Variants in SIL1 observed in about 807,000 individuals in gnomAD.
The protein encoded by SIL1 is nucleotide exchange factor SIL1.
In SIL1, 40 loss-of-function variants were observed where a neutral mutation model predicts 49.1. The observed-to-expected ratio is 0.81, with a 90% CI of 0.63 to 1.06. The LOEUF is 1.06. Among genes scored for constraint, SIL1 ranks in the 50% least tolerant of loss-of-function variants. The pLI is 0.00. For synonymous variants in SIL1, 253 were observed against 250.8 expected (o/e 1.01, Z -0.08); for missense variants, 500 against 572.6 (o/e 0.87, Z 1.29).
At chr5:139,145,977 A>AGT (rs891841717) in intron 1 of SIL1, among the ~76,000 whole-genome samples, 21 of 148,048 alleles carry the variant, frequency 1.4e-4, no homozygotes, top group Non-Finnish European at 6.0e-5. Context: ...TAAGTATGTG[A>AGT]GTGTGTGTGT....
chr5:139,042,816 T>C (rs994569279), intron 4 of SIL1, 97 bp from the exon 5 acceptor site: 3 of 1,032,840 alleles, frequency 2.9e-6, no homozygotes, highest in African/African-American at 3.2e-5. Flanking sequence ...GATGGAAGGA[T>C]ACCAAGATCC....
chr5:138,951,209 G>A lies in SIL1; in HGVS notation c.991C>T (p.Arg331Cys), dbSNP rs765721225. The change falls in exon 9 of 10, where the codon CGC becomes TGC. Residue 331 changes from arginine to cysteine, a missense_variant. Coordinates refer to ENST00000394817, the MANE Select transcript of SIL1 (RefSeq NM_022464.5). ...AGGTCGTAGAGCAGTGTGACCACGC[G>A]CACGGCGAGCACCTCCGTGCCCTTC... ...QEKGTEVLAVRVVTLLYDLVT... is the reference protein window; with the variant it reads ...QEKGTEVLAVCVVTLLYDLVT... The A allele has an allele frequency of 2.0e-5, 32 of 1,609,598 alleles. No homozygotes were observed. The highest frequency in any genetic ancestry group is 8.9e-5 in the East Asian group (4 of 44,746).
chr5:139,121,604 A>G (rs1017420077), intron 2 of SIL1, among the ~76,000 whole-genome samples: 1 of 152,248 alleles, frequency 6.6e-6, no homozygotes, highest in African/African-American at 2.4e-5. Context: ...AAACACATAC[A>G]TGAATGGGAG....
chr5:139,082,898 G>A (rs918068227), intron 3 of SIL1, among the ~76,000 whole-genome samples: 5 of 152,214 alleles, frequency 3.3e-5, no homozygotes, highest in Admixed American at 6.5e-5. Context: ...TATAGCTCCA[G>A]CCATGGAAAG....
At chr5:139,170,772 G>A (rs1488838835) in intron 1 of SIL1, among the ~76,000 whole-genome samples, 13 of 151,934 alleles carry the variant, frequency 8.6e-5, no homozygotes, top group African/African-American at 2.9e-4. Context: ...GTCCGGAAGG[G>A]AGGTGGGGGT....
intron 5 of SIL1, among the ~76,000 whole-genome samples, chr5:139,038,215 G>C (rs138495970): frequency 2.8e-4 from 42 of 152,296 alleles, no homozygotes; most frequent in African/African-American, 8.7e-4. Context: ...AGCATCTGTT[G>C]ATTGTCTAAT....
intron 1 of SIL1, among the ~76,000 whole-genome samples, chr5:139,180,179 G>T (rs1047672838): frequency 2.0e-5 from 3 of 151,056 alleles, no homozygotes; most frequent in African/African-American, 7.3e-5. Flanking sequence ...AGGAGTTCAA[G>T]ACCAGCCTGA....
At chr5:139,095,773 A>G (rs555751104) in intron 3 of SIL1, among the ~76,000 whole-genome samples, 1 of 152,256 alleles carries the variant, frequency 6.6e-6, no homozygotes, top group East Asian at 1.9e-4. Context: ...GGCTGCGGTG[A>G]GTCGTGACTG....
intron 7 of SIL1, among the ~76,000 whole-genome samples, chr5:138,957,432 A>AG (rs1766926079): frequency 6.6e-6 from 1 of 151,680 alleles, no homozygotes; most frequent in Non-Finnish European, 1.5e-5. Context: ...AAAAAAAAAA[A>AG]AAATTGCCGG....
At chr5:139,167,110 C>T (rs1358010057) in intron 1 of SIL1, among the ~76,000 whole-genome samples, 1 of 152,178 alleles carries the variant, frequency 6.6e-6, no homozygotes, top group African/African-American at 2.4e-5. Flanking sequence ...CCGCGCCCAG[C>T]CTTTGTCTTG....
At chr5:139,172,081 T>A (rs1363959033) in intron 1 of SIL1, among the ~76,000 whole-genome samples, 1 of 152,008 alleles carries the variant, frequency 6.6e-6, no homozygotes, top group African/African-American at 2.4e-5. Flanking sequence ...GCACAAAGAC[T>A]GAAGAGAAGT....
At chr5:138,985,974 C>G (rs556257905) in intron 7 of SIL1, among the ~76,000 whole-genome samples, 64 of 152,328 alleles carry the variant, frequency 4.2e-4, no homozygotes, top group East Asian at 5.8e-4. Context: ...GGGCACCCAT[C>G]ATCCTAATGG....
intron 9 of SIL1, 93 bp downstream of exon 9, chr5:138,951,078 G>T: frequency 7.1e-7 from 1 of 1,405,448 alleles, no homozygotes; most frequent in Non-Finnish European, 9.9e-7. Flanking sequence ...AAGCAAACAA[G>T]TGACGTCCGC....
At chr5:139,122,944 A>C (rs7724950) in intron 2 of SIL1, among the ~76,000 whole-genome samples, 25,714 of 152,136 alleles carry the variant, frequency 0.17, 3,326 homozygotes, top group African/African-American at 0.36. Context: ...GTGTCTCGGG[A>C]AAGTTATTTA....
At chr5:139,047,063 GC>G (rs1344106762) in intron 4 of SIL1, among the ~76,000 whole-genome samples, 3 of 152,152 alleles carry the variant, frequency 2.0e-5, no homozygotes, top group African/African-American at 7.2e-5. Context: ...GAAGTAAATG[GC>G]CCTGTCCTTA....
At chr5:139,057,188 C>CTAG (rs1184807893) in intron 3 of SIL1, among the ~76,000 whole-genome samples, 1 of 151,104 alleles carries the variant, frequency 6.6e-6, no homozygotes, top group East Asian at 1.9e-4. Flanking sequence ...TGCGGAAGGC[C>CTAG]GCAGAGTCCT....
chr5:139,078,605 G>A (rs1008374401), intron 3 of SIL1, among the ~76,000 whole-genome samples: 12 of 152,138 alleles, frequency 7.9e-5, no homozygotes, highest in Non-Finnish European at 1.3e-4. Context: ...TTCTCTGCTC[G>A]GCCTCACAAC....
chr5:138,990,611 A>T (rs1429433676), intron 7 of SIL1, among the ~76,000 whole-genome samples: 2 of 152,034 alleles, frequency 1.3e-5, no homozygotes, highest in Non-Finnish European at 2.9e-5. Context: ...TGTTTTTGTT[A>T]GAGATGGGAT....
At chr5:139,126,169 C>A (rs998472997) in intron 2 of SIL1, among the ~76,000 whole-genome samples, 1 of 152,232 alleles carries the variant, frequency 6.6e-6, no homozygotes, top group African/African-American at 2.4e-5. Context: ...TCAACTCCTA[C>A]TTGTGCTTAG....
Sources: gnomAD v4.1 joint callset for allele counts (sites outside exome capture counted in the v4.1 genomes callset) on GRCh38, gnomAD v4.1.1 for gene constraint, MANE v1.5 for transcripts, NCBI Gene and HGNC (gene_info 2026-07-23, HGNC 2026-07-21) for gene names.